The following GRIK1 variants were observed in gnomAD, a reference collection of about 807,000 sequenced individuals.
GRIK1 encodes the protein glutamate receptor ionotropic, kainate 1.
GRIK1 carries 69 observed loss-of-function variants against 105.7 expected under a neutral mutation model. The ratio of observed to expected loss-of-function variants is 0.65; its 90% confidence interval spans 0.54 to 0.80. The LOEUF is 0.80. GRIK1 is among the 30% of genes least tolerant of loss of function. The pLI, the probability that GRIK1 is intolerant of heterozygous loss-of-function variation, is 0.00. For synonymous variants in GRIK1, 438 were observed against 431.3 expected (o/e 1.02, Z -0.19); for missense variants, 1,109 against 1,167.3 (o/e 0.95, Z 0.73).
At chr21:29,875,486 T>G (rs2069160149) in intron 1 of GRIK1, among the ~76,000 whole-genome samples, 1 of 152,156 alleles carries the variant, frequency 6.6e-6, no homozygotes, top group Non-Finnish European at 1.5e-5. Context: ...TGCACTCAGC[T>G]GCAACAGCAT....
intron 15 of GRIK1, among the ~76,000 whole-genome samples, chr21:29,560,558 TTCTTTCTTTCTTTCTTTCTC>T (rs2090446302): frequency 1.6e-5 from 2 of 121,730 alleles, no homozygotes; most frequent in African/African-American, 3.7e-5. Flanking sequence ...CTTTCTTTCT[TTCTTTCTTTCTTTCTTTCTC>T]TCTTTCTTTC....
In GRIK1 at chr21:29,553,326, T is replaced by A. The variant is rs949994332; in HGVS notation, c.2607+1726A>T. On this transcript the variant is annotated intron_variant, in intron 16 of 17. Coordinates refer to ENST00000327783, the MANE Select transcript of GRIK1 (RefSeq NM_001330994.2). ...ATGAGTGGGACAGAGAAGATTCCTG[T>A]AAATACACATTTCTAGAAGTCTTTA... 11 of 1,138,018 alleles carry A rather than the reference T, an allele frequency of 9.7e-6. No individual in the cohort carries two copies. The African/African-American group carries it at 1.6e-4, about 17-fold the overall frequency. The allele number at this position is 1,138,018 out of a possible 1,614,324, so 70.5% of individuals were successfully genotyped here.
At chr21:29,754,020 G>A (rs1443915652) in intron 1 of GRIK1, among the ~76,000 whole-genome samples, 5 of 152,094 alleles carry the variant, frequency 3.3e-5, no homozygotes, top group African/African-American at 1.2e-4. Flanking sequence ...TACTAGGCAG[G>A]CAGACTCATT....
At chr21:29,783,466 T>C (rs984481701) in intron 1 of GRIK1, among the ~76,000 whole-genome samples, 3 of 152,192 alleles carry the variant, frequency 2.0e-5, no homozygotes, top group Non-Finnish European at 4.4e-5. Flanking sequence ...GGTTAGTCTT[T>C]TCCCTTATGT....
intron 1 of GRIK1, among the ~76,000 whole-genome samples, chr21:29,814,094 A>T (rs1030950266): frequency 3.1e-4 from 45 of 145,554 alleles, no homozygotes; most frequent in African/African-American, 9.5e-4. Context: ...TATATATATA[A>T]AATAATAATA....
intron 1 of GRIK1, among the ~76,000 whole-genome samples, chr21:29,826,624 T>C (rs945995524): frequency 2.0e-5 from 3 of 152,052 alleles, no homozygotes; most frequent in African/African-American, 7.2e-5. Flanking sequence ...GCCCCCATGA[T>C]TGATGAGCCA....
At chr21:29,791,625 TGGCAAAG>T (rs1190893072) in intron 1 of GRIK1, among the ~76,000 whole-genome samples, 1 of 152,180 alleles carries the variant, frequency 6.6e-6, no homozygotes, top group African/African-American at 2.4e-5. Flanking sequence ...TTCTCAGCCT[TGGCAAAG>T]AAGGAAAATT....
intron 1 of GRIK1, among the ~76,000 whole-genome samples, chr21:29,825,176 G>A (rs1236824326): frequency 2.6e-5 from 4 of 151,972 alleles, no homozygotes; most frequent in Non-Finnish European, 5.9e-5. Context: ...GTGTTTCTTG[G>A]ATTCTTGTTT....
At chr21:29,871,207 C>T (rs547576428) in intron 1 of GRIK1, among the ~76,000 whole-genome samples, 5 of 152,240 alleles carry the variant, frequency 3.3e-5, no homozygotes, top group South Asian at 4.1e-4. Flanking sequence ...CCTAGTCCTT[C>T]GGTTTCATGG....
intron 1 of GRIK1, among the ~76,000 whole-genome samples, chr21:29,774,982 A>G (rs1292379303): frequency 6.6e-6 from 1 of 152,062 alleles, no homozygotes; most frequent in Non-Finnish European, 1.5e-5. Context: ...CTCATATACT[A>G]TCCTGGGGTT....
chr21:29,769,936 C>T (rs372066341), intron 1 of GRIK1, among the ~76,000 whole-genome samples: 2 of 152,162 alleles, frequency 1.3e-5, no homozygotes, highest in African/African-American at 2.4e-5. Flanking sequence ...ACAGTGTTCA[C>T]TGAATTTTTG....
At chr21:29,931,110 C>T (rs2071549971) in intron 1 of GRIK1, among the ~76,000 whole-genome samples, 1 of 152,254 alleles carries the variant, frequency 6.6e-6, no homozygotes, top group South Asian at 2.1e-4. Context: ...TATGGTACAG[C>T]GTTAAAATTA....
chr21:29,936,605 G>A (rs752670306), intron 1 of GRIK1, among the ~76,000 whole-genome samples: 1 of 152,176 alleles, frequency 6.6e-6, no homozygotes, highest in African/African-American at 2.4e-5. Context: ...CTTGAGTGCA[G>A]TAATAATGTT....
In GRIK1 at chr21:29,651,244, GT is replaced by G; in HGVS notation, c.827del (p.Asn276ThrfsTer2). 6.2e-7 allele frequency: 1 copy of G among 1,613,676 alleles called. No homozygotes were observed. Among genetic ancestry groups the G allele is most frequent in the Non-Finnish European group, 8.5e-7 (1 of 1,179,596 alleles). On this transcript the variant is annotated frameshift_variant, in exon 6 of 18. Coordinates refer to ENST00000327783, the MANE Select transcript of GRIK1 (RefSeq NM_001330994.2). LOFTEE classifies it high-confidence loss of function. ...DLELYRYSGV[N>X]MTGFRLLNID... ...TGTTAAGCAGCCGAAACCCGGTCATGTTTACGCCACTGTACCTATAGAGTTC... is the reference window on the plus strand; with the variant it reads ...TGTTAAGCAGCCGAAACCCGGTCATGTTACGCCACTGTACCTATAGAGTTC...
At chr21:29,804,386 G>C (rs932092585) in intron 1 of GRIK1, among the ~76,000 whole-genome samples, 2 of 151,968 alleles carry the variant, frequency 1.3e-5, no homozygotes, top group African/African-American at 4.8e-5. Context: ...AGAAAGATTT[G>C]TGTGCTTGAA....
At chr21:29,756,089 T>C (rs2065330678) in intron 1 of GRIK1, among the ~76,000 whole-genome samples, 1 of 152,162 alleles carries the variant, frequency 6.6e-6, no homozygotes, top group African/African-American at 2.4e-5. Context: ...ATGTGATATT[T>C]AAAATAAACG....
intron 1 of GRIK1, among the ~76,000 whole-genome samples, chr21:29,864,112 T>C (rs1395873838): frequency 4.6e-5 from 7 of 151,886 alleles, no homozygotes; most frequent in Non-Finnish European, 8.8e-5. Context: ...TTTTTTTTTT[T>C]CCAAGACAAG....
At chr21:29,542,528 A>C (rs2089988772) in intron 16 of GRIK1, among the ~76,000 whole-genome samples, 2 of 152,196 alleles carry the variant, frequency 1.3e-5, no homozygotes, top group South Asian at 4.1e-4. Flanking sequence ...AATTTTTTTA[A>C]GTTATAGATA....
At chr21:29,848,048 G>GTTATTA (rs56711180) in intron 1 of GRIK1, among the ~76,000 whole-genome samples, 19,851 of 147,724 alleles carry the variant, frequency 0.13, 1,648 homozygotes, top group East Asian at 0.33. Context: ...TTAAACGTAA[G>GTTATTA]TTATTATTAT....
Sources: allele counts gnomAD v4.1 joint callset (sites outside exome capture counted in the v4.1 genomes callset), GRCh38; gene constraint gnomAD v4.1.1; transcripts MANE v1.5; gene names NCBI Gene and HGNC (gene_info 2026-07-23, HGNC 2026-07-21).